Variants in CAPS2 observed in about 807,000 individuals in gnomAD.
CAPS2 encodes calcyphosin-2.
A neutral mutation model predicts 86.5 loss-of-function variants in CAPS2; 98 were observed. The ratio of observed to expected loss-of-function variants is 1.13; its 90% CI spans 0.96 to 1.34. CAPS2 has a LOEUF of 1.34. CAPS2 is among the 40% of genes most tolerant of loss of function. CAPS2 has a pLI of 0.00. For missense variants in CAPS2, 729 were observed against 686.8 expected, an observed-to-expected ratio of 1.06 and a Z score of -0.69; for synonymous variants, 210 against 225.1, an observed-to-expected ratio of 0.93 and a Z score of 0.60.
At chr12:75,332,388 CT>C (rs2041393296), upstream of CAPS2, among the ~76,000 whole-genome samples, 1 of 152,138 alleles carries the variant, frequency 6.6e-6, no homozygotes, top group Admixed American at 6.5e-5. Context: ...CACTGAGTAC[CT>C]ACTACTTGAA....
At chr12:75,288,681 A>G (rs377075201) in intron 14 of CAPS2, among the ~76,000 whole-genome samples, 2 of 152,180 alleles carry the variant, frequency 1.3e-5, no homozygotes, top group Admixed American at 1.3e-4. Context: ...TGTACCAGAC[A>G]TTTCTCTCCA....
intron 1 of CAPS2, among the ~76,000 whole-genome samples, chr12:75,356,341 T>TA (rs1229900186): frequency 1.3e-5 from 2 of 152,122 alleles, no homozygotes; most frequent in Non-Finnish European, 2.9e-5. Context: ...TGTGGATAAA[T>TA]ATATAAGATG....
chr12:75,363,226 G>A (rs572230012), intron 1 of CAPS2: 2 of 965,364 alleles, frequency 2.1e-6, no homozygotes, highest in Non-Finnish European at 2.9e-6. Context: ...TACATTTAGA[G>A]AGTAAAGTTT....
At chr12:75,276,560 T>C (rs1255298652), downstream of CAPS2, 7 of 978,842 alleles carry the variant, frequency 7.2e-6, no homozygotes, top group Non-Finnish European at 8.5e-6. Flanking sequence ...TTAACTATAA[T>C]GTGATTGCTC....
chr12:75,345,155 A>G (rs2042363769), intron 1 of CAPS2, among the ~76,000 whole-genome samples: 1 of 152,086 alleles, frequency 6.6e-6, no homozygotes, highest in Admixed American at 6.5e-5. Context: ...TGGTCTCCCC[A>G]AGACTCTCAA....
chr12:75,334,910 A>G, upstream of CAPS2: 1 of 1,612,564 alleles, frequency 6.2e-7, no homozygotes, highest in Admixed American at 1.7e-5. Flanking sequence ...ATGGTGAGAA[A>G]GAACCAGGGC....
chr12:75,276,975 A>G (rs1433281042), downstream of CAPS2: 9 of 984,434 alleles, frequency 9.1e-6, no homozygotes, highest in African/African-American at 1.7e-5. Context: ...TAAGTTTAAC[A>G]CTAAATAACA....
At chr12:75,345,252 A>G (rs1228602464) in intron 1 of CAPS2, among the ~76,000 whole-genome samples, 1 of 152,106 alleles carries the variant, frequency 6.6e-6, no homozygotes, top group Non-Finnish European at 1.5e-5. Flanking sequence ...CAGGACAATT[A>G]TACAGTTTCT....
In CAPS2 at chr12:75,294,755, ATG is replaced by A. The variant is rs377322590; in HGVS notation, c.1045-1390_1045-1389del. ...GTTATTGTTTACACCAAAAACATGTATGTGTCGGGATAGGAAGGAGGTGAGCC... is the reference window on the plus strand; with the variant it reads ...GTTATTGTTTACACCAAAAACATGTATGTCGGGATAGGAAGGAGGTGAGCC... On this transcript the variant is annotated intron_variant, in intron 11 of 16. Coordinates refer to ENST00000393284, the Ensembl canonical transcript of CAPS2. Among the ~76,000 whole-genome samples the A allele has an allele frequency of 9.6e-3, 1,464 of 152,296 alleles. 30 individuals carry two copies. Among genetic ancestry groups the A allele is most frequent in the African/African-American group, 0.033 (1,387 of 41,538 alleles).
chr12:75,360,560 T>G (rs2043506437), intron 1 of CAPS2: 1 of 152,138 alleles, frequency 6.6e-6, no homozygotes. Flanking sequence ...TTTGGCGCCA[T>G]GTCTCATATC....
At chr12:75,367,155 G>C (rs1489941838) in intron 1 of CAPS2, 1 of 623,644 alleles carries the variant, frequency 1.6e-6, no homozygotes, top group Non-Finnish European at 2.9e-6. Context: ...AACCAAATAG[G>C]GTACCCAAAA....
At chr12:75,279,139 C>T in intron 16 of CAPS2, 74 bp from the exon 17 acceptor site, 2 of 1,237,250 alleles carry the variant, frequency 1.6e-6, no homozygotes, top group Non-Finnish European at 2.2e-6. Flanking sequence ...TAAAGGAATA[C>T]TTAATCATCT....
At chr12:75,355,567 T>C (rs2043102146) in intron 1 of CAPS2, among the ~76,000 whole-genome samples, 1 of 152,202 alleles carries the variant, frequency 6.6e-6, no homozygotes, top group South Asian at 2.1e-4. Context: ...GAAGACACTA[T>C]GGTAATTCCT....
Position 75,299,931 on chromosome 12 carries a change from G to C in CAPS2, c.780-20C>G. The stretch of plus-strand genomic sequence containing the variant: ...CTTATCCTGTTAAGAAATACATTTT[G>C]TCAGTAATTTTTCAAGATACCTATA... On this transcript the variant is annotated intron_variant, in intron 8 of 16. Coordinates refer to ENST00000393284, the Ensembl canonical transcript of CAPS2. 1.8e-6 allele frequency: 2 copies of C among 1,121,082 alleles called. No homozygotes were observed. Among genetic ancestry groups the C allele is most frequent in the Non-Finnish European group, 2.5e-6 (2 of 802,766 alleles). The allele number at this position is 1,121,082 out of a possible 1,614,324, so 69.4% of individuals were successfully genotyped here.
At chr12:75,289,959 C>T (rs2035557658) in intron 13 of CAPS2, among the ~76,000 whole-genome samples, 184 bp from the exon 14 acceptor site, 1 of 152,106 alleles carries the variant, frequency 6.6e-6, no homozygotes, top group Admixed American at 6.6e-5. Context: ...GAGGATTAAA[C>T]ATAAAATCAC....
At chr12:75,286,604 A>G (rs1425621202) in intron 14 of CAPS2, among the ~76,000 whole-genome samples, 4 of 151,904 alleles carry the variant, frequency 2.6e-5, no homozygotes, top group Admixed American at 2.0e-4. Flanking sequence ...GAAGGAAATC[A>G]CTAATAGTAA....
chr12:75,374,016 A>C (rs2044516789), intron 1 of CAPS2: 1 of 152,208 alleles, frequency 6.6e-6, no homozygotes, highest in African/African-American at 2.4e-5. Context: ...ACTAAAGCCC[A>C]CTTACAGGCC....
At chr12:75,290,792 T>C (rs941257852) in intron 13 of CAPS2, among the ~76,000 whole-genome samples, 4 of 151,826 alleles carry the variant, frequency 2.6e-5, no homozygotes, top group African/African-American at 7.3e-5. Context: ...TGTGGTGGCA[T>C]GCACTTGTAG....
intron 1 of CAPS2, among the ~76,000 whole-genome samples, chr12:75,374,817 G>A (rs1048738616): frequency 6.6e-6 from 1 of 152,140 alleles, no homozygotes; most frequent in Non-Finnish European, 1.5e-5. Flanking sequence ...CTGCATACCA[G>A]GTACCAGGAT....
Sources: gnomAD v4.1 joint callset for allele counts (sites outside exome capture counted in the v4.1 genomes callset) on GRCh38, gnomAD v4.1.1 for gene constraint, MANE v1.5 for transcripts, NCBI Gene and HGNC (gene_info 2026-07-23, HGNC 2026-07-21) for gene names.